The following ZNF462 variants were observed in gnomAD, a reference collection of about 807,000 sequenced individuals.
ZNF462 encodes the protein zinc finger PBX1-interacting protein.
A neutral mutation model predicts 201.9 loss-of-function variants in ZNF462; 10 were observed. The observed-to-expected ratio is 0.05, with a 90% CI of 0.03 to 0.08. ZNF462 has a LOEUF of 0.08. ZNF462 is among the 10% of genes least tolerant of loss of function. ZNF462 has a pLI of 1.00. For synonymous variants in ZNF462, 1,227 were observed against 1,193.3 expected, an observed-to-expected ratio of 1.03 and a Z score of -0.58; for missense variants, 2,523 against 3,168.3, an observed-to-expected ratio of 0.80 and a Z score of 4.89.
At chr9:106,903,859 C>T (rs927365373) in intron 1 of ZNF462, among the ~76,000 whole-genome samples, 2 of 152,090 alleles carry the variant, frequency 1.3e-5, no homozygotes, top group African/African-American at 4.8e-5. Context: ...TGGTTGGTGA[C>T]TTCTTATATA....
chr9:106,955,336 A>G (rs1831526542), intron 7 of ZNF462, among the ~76,000 whole-genome samples: 1 of 152,198 alleles, frequency 6.6e-6, no homozygotes, highest in African/African-American at 2.4e-5. Flanking sequence ...ACTGTAGTTT[A>G]CTAAGTATAC....
At chr9:106,882,400 T>TAGG in intron 1 of ZNF462, among the ~76,000 whole-genome samples, 1 of 152,342 alleles carries the variant, frequency 6.6e-6, no homozygotes, top group South Asian at 2.1e-4. Flanking sequence ...AGTCTCTTAG[T>TAGG]TGCTTCTGAG....
chr9:106,987,401 ATT>A (rs757423487), intron 10 of ZNF462, among the ~76,000 whole-genome samples: 29 of 152,038 alleles, frequency 1.9e-4, no homozygotes, highest in Non-Finnish European at 3.7e-4. Context: ...TTCGATTTGC[ATT>A]TCCCTGATCA....
rs921081152 is a variant in ZNF462, at chr9:107,008,616, A to G, written c.7190-929A>G. Among the ~76,000 whole-genome samples, 1 of 152,348 alleles carries G rather than the reference A, an allele frequency of 6.6e-6. No individual in the cohort carries two copies. Among genetic ancestry groups the G allele is most frequent in the South Asian group, 2.1e-4 (1 of 4,826 alleles). On this transcript the variant is annotated intron_variant, in intron 11 of 12. Coordinates refer to ENST00000277225, the MANE Select transcript of ZNF462 (RefSeq NM_021224.6). The surrounding 1 kb of genome is among the most constrained non-coding windows in gnomAD (Gnocchi z 4.8). ...ACATGAAGACTTGGCCCTCTGTGGT[A>G]TAATGAAACACATATGGGCTAGGAA...
In ZNF462 at chr9:107,011,156, C is replaced by T. The variant is rs1829906822; in HGVS notation, c.*126C>T. Reference sequence around the variant, plus strand: ...AACAAAGCTGCTTTTTAGGACTGAACAATCTATTTTCAAAGCACTGGTACC... The same window carrying T: ...AACAAAGCTGCTTTTTAGGACTGAATAATCTATTTTCAAAGCACTGGTACC... On this transcript the variant is annotated 3_prime_UTR_variant, in exon 13 of 13. Transcript: ENST00000277225. This position sits in a 1 kb window ranked among gnomAD's most constrained non-coding sequence, Gnocchi z 5.6. The T allele has an allele frequency of 1.2e-6, 1 of 843,766 alleles. No homozygotes were observed. Among genetic ancestry groups the T allele is most frequent in the Non-Finnish European group, 1.8e-6 (1 of 549,512 alleles). 52.3% of individuals were successfully genotyped at this position (843,766 alleles called of 1,614,324 possible). A position where few individuals can be genotyped will look rare whatever the true frequency, so the allele number is the denominator to read the frequency against.
Position 106,972,177 on chromosome 9 carries a change from CG to C in ZNF462, c.6602del (p.Gly2201AlafsTer69). 1 of 1,614,216 alleles carries C rather than the reference CG, an allele frequency of 6.2e-7. No individual in the cohort carries two copies. Among genetic ancestry groups the C allele is most frequent in the Non-Finnish European group, 8.5e-7 (1 of 1,180,034 alleles). On this transcript the variant is annotated frameshift_variant, in exon 8 of 13. Transcript: ENST00000277225. LOFTEE classifies it high-confidence loss of function. The surrounding 1 kb of genome is among the most constrained non-coding windows in gnomAD (Gnocchi z 4.8). ...ACTGCGAATTCTGTGAATTCTCCTC[CG>C]GCTACATCCAGAGCATCAGGCGTCA... is the stretch of plus-strand genomic sequence containing the variant. ...LHCEFCEFSS[G>X]YIQSIRRHYR...
Position 106,993,568 on chromosome 9 carries a change from G to C in ZNF462, c.7056+9159G>C, listed in dbSNP as rs573251980. On this transcript the variant is annotated intron_variant, in intron 10 of 12. Coordinates refer to ENST00000277225, the MANE Select transcript of ZNF462 (RefSeq NM_021224.6). The surrounding 1 kb of genome is among the most constrained non-coding windows in gnomAD (Gnocchi z 4.0). ...CTCCCTGTCTGTTTTTAATCTCAGT[G>C]GGTCCTCTAGAAGGTTGACTAGTGT... is the stretch of plus-strand genomic sequence containing the variant. Among the ~76,000 whole-genome samples the C allele has an allele frequency of 6.6e-6, 1 of 151,838 alleles. No homozygotes were observed. Among genetic ancestry groups the C allele is most frequent in the Non-Finnish European group, 1.5e-5 (1 of 67,932 alleles).
chr9:106,988,076 T>G (rs923335523), intron 10 of ZNF462, among the ~76,000 whole-genome samples: 5 of 152,104 alleles, frequency 3.3e-5, no homozygotes, highest in Admixed American at 2.6e-4. Flanking sequence ...CATAGTACAG[T>G]TTGAAATCAG....
In ZNF462 at chr9:106,923,262, A is replaced by AT. The variant is rs1830056695; in HGVS notation, c.-30-86dup. On this transcript the variant is annotated intron_variant, in intron 1 of 12. Coordinates refer to ENST00000277225, the MANE Select transcript of ZNF462 (RefSeq NM_021224.6). The surrounding 1 kb of genome is among the most constrained non-coding windows in gnomAD (Gnocchi z 5.6). ...ATAAGAGAAATCTACTGATACTGGA[A>AT]TTTTTTCCCATTAATGGATATATAG... 4.3e-6 allele frequency: 4 copies of AT among 923,408 alleles called. No individual in the cohort carries two copies. In the South Asian group the frequency reaches 4.8e-5, roughly 11 times the overall value. 57.2% of individuals were successfully genotyped at this position (923,408 alleles called of 1,614,324 possible).
intron 5 of ZNF462, among the ~76,000 whole-genome samples, chr9:106,934,988 A>G (rs907483995): frequency 1.3e-5 from 2 of 152,150 alleles, no homozygotes; most frequent in African/African-American, 4.8e-5. Context: ...CCATTGCAAG[A>G]AGGTCAGCCA....
At position 106,872,136 on chromosome 9, in the gene ZNF462, A is replaced by G. The variant is rs1026601222; in HGVS notation, c.-31+8781A>G. ...CTAATTAGTCAGCAATTGAGCACCA[A>G]TCATTCAACCCAGATTGCCATGGGC... On this transcript the variant is annotated intron_variant, in intron 1 of 12. Coordinates refer to ENST00000277225, the MANE Select transcript of ZNF462 (RefSeq NM_021224.6). The surrounding 1 kb of genome is among the most constrained non-coding windows in gnomAD (Gnocchi z 4.5). Among the ~76,000 whole-genome samples the G allele has an allele frequency of 1.1e-4, 16 of 152,180 alleles. No homozygotes were observed. Among genetic ancestry groups the G allele is most frequent in the South Asian group, 2.1e-4 (1 of 4,830 alleles).
At chr9:106,967,147 A>G (rs1401874928) in intron 7 of ZNF462, among the ~76,000 whole-genome samples, 1 of 152,026 alleles carries the variant, frequency 6.6e-6, no homozygotes, top group Non-Finnish European at 1.5e-5. Context: ...TATTCCTTCA[A>G]TCAGTGGAGT....
Position 107,010,738 on chromosome 9 carries a change from A to C in ZNF462, c.7314-85A>C. ...TTTTGAGGATCAGGAAAATAAAGAC[A>C]CTCGAGGGTTTTTATTATTTTTTTG... On this transcript the variant is annotated intron_variant, in intron 12 of 12. Coordinates refer to ENST00000277225, the MANE Select transcript of ZNF462 (RefSeq NM_021224.6). This position sits in a 1 kb window ranked among gnomAD's most constrained non-coding sequence, Gnocchi z 4.6. 70 of 1,185,124 alleles carry C rather than the reference A, an allele frequency of 5.9e-5. No individual in the cohort carries two copies. The highest frequency in any genetic ancestry group is 6.8e-5 in the Non-Finnish European group (59 of 865,398). 73.4% of individuals were successfully genotyped at this position (1,185,124 alleles called of 1,614,324 possible).
At position 106,925,003 on chromosome 9, in the gene ZNF462, G is replaced by A. The variant is rs768883490; in HGVS notation, c.1091G>A (p.Arg364His). Reference sequence around the variant, plus strand: ...CTAGTTAACTTGACAGAGAGATCCCGTTATGGAATGACTGACATGACCAAT... The same window carrying A: ...CTAGTTAACTTGACAGAGAGATCCCATTATGGAATGACTGACATGACCAAT... ...SGLVNLTERS[R>H]YGMTDMTNSS... The change falls in exon 3 of 13, where the codon CGT becomes CAT. Residue 364 changes from arginine (R) to histidine (H), a missense_variant. Arg to His is a conservative substitution (Grantham distance 29, BLOSUM62 0). This residue lies in a region of ZNF462 where 480 missense variants were observed against 544.4 expected (regional missense o/e 0.88). Transcript: ENST00000277225. This position sits in a 1 kb window ranked among gnomAD's most constrained non-coding sequence, Gnocchi z 7.9. The A allele has an allele frequency of 9.3e-6, 15 of 1,614,136 alleles. No individual in the cohort carries two copies. Among genetic ancestry groups the A allele is most frequent in the Middle Eastern group, 1.6e-4 (1 of 6,062 alleles).
In ZNF462 at chr9:106,924,657, A is replaced by G. The variant is rs753600080; in HGVS notation, c.745A>G (p.Ser249Gly). 10 of 1,614,070 alleles carry G rather than the reference A, an allele frequency of 6.2e-6. No individual in the cohort carries two copies. The highest frequency in any genetic ancestry group is 1.7e-6 in the Non-Finnish European group (2 of 1,180,052). ...AGGCAACTTTTGTTGTGAGTGGTGC[A>G]GCTACCAGACCCCCCGCCGAGAACG... ...SRGNFCCEWC[S>G]YQTPRRERWC... Residue 249 changes from serine to glycine, a missense_variant, in exon 3 of 13, where the codon AGC (serine) becomes GGC (glycine). Physicochemically the swap from Ser to Gly is moderately conservative, Grantham distance 56. Around this residue, in one of 15 missense-constraint regions of ZNF462, gnomAD observed 480 missense variants for 544.4 expected, o/e 0.88. Coordinates refer to ENST00000277225, the MANE Select transcript of ZNF462 (RefSeq NM_021224.6). The surrounding 1 kb of genome is among the most constrained non-coding windows in gnomAD (Gnocchi z 6.2).
intron 6 of ZNF462, among the ~76,000 whole-genome samples, chr9:106,936,182 A>T (rs1053787750): frequency 6.6e-6 from 1 of 152,216 alleles, no homozygotes; most frequent in Non-Finnish European, 1.5e-5. Context: ...TTGGAAATGA[A>T]AGAAGAAATA....
chr9:106,991,881 C>CAA (rs1554716876), intron 10 of ZNF462, among the ~76,000 whole-genome samples: 1 of 139,444 alleles, frequency 7.2e-6, no homozygotes, highest in African/African-American at 2.7e-5. Flanking sequence ...CACACACACA[C>CAA]AACAATCAAA....
chr9:106,962,251 G>A lies in ZNF462; in HGVS notation c.6428-9754G>A, dbSNP rs1025101614. Reference sequence around the variant, plus strand: ...GGCTAGTGAGTGGATCACAGAGATAGAGTTTCTCAGGAGGCTGAACCAACA... The same window carrying A: ...GGCTAGTGAGTGGATCACAGAGATAAAGTTTCTCAGGAGGCTGAACCAACA... On this transcript the variant is annotated intron_variant, in intron 7 of 12. Coordinates refer to ENST00000277225, the MANE Select transcript of ZNF462 (RefSeq NM_021224.6). This position sits in a 1 kb window ranked among gnomAD's most constrained non-coding sequence, Gnocchi z 4.6. 2.0e-5 allele frequency among the ~76,000 whole-genome samples: 3 copies of A among 152,086 alleles called. No individual in the cohort carries two copies. The highest frequency in any genetic ancestry group is 7.2e-5 in the African/African-American group (3 of 41,440).
chr9:107,001,459 G>A (rs953739553), intron 10 of ZNF462, among the ~76,000 whole-genome samples: 1 of 152,164 alleles, frequency 6.6e-6, no homozygotes, highest in East Asian at 1.9e-4. Context: ...TACAAATGAA[G>A]ATATCAAGGA....
Sources: gnomAD v4.1 joint callset for allele counts (sites outside exome capture counted in the v4.1 genomes callset) on GRCh38, gnomAD v4.1.1 for gene constraint, gnomAD v4.1.1 regional missense constraint, Gnocchi (gnomAD v3.1) non-coding constraint, MANE v1.5 for transcripts, NCBI Gene and HGNC (gene_info 2026-07-23, HGNC 2026-07-21) for gene names.